Variants in TRAPPC9 observed in about 807,000 individuals in gnomAD.
The protein encoded by TRAPPC9 is IKK2 binding protein.
In TRAPPC9, 83 loss-of-function variants were observed where a neutral mutation model predicts 124.0. The observed-to-expected ratio is 0.67, with a 90% CI of 0.56 to 0.80. TRAPPC9 has a LOEUF of 0.80. Ranked by LOEUF, TRAPPC9 falls within the 30% of genes least tolerant of loss-of-function variation. The pLI is 0.00. For missense variants in TRAPPC9, 1,302 were observed against 1,508.3 expected, an observed-to-expected ratio of 0.86 and a Z score of 2.27; for synonymous variants, 638 against 617.5, an observed-to-expected ratio of 1.03 and a Z score of -0.49.
chr8:139,826,438 A>G (rs1290113080), intron 21 of TRAPPC9, among the ~76,000 whole-genome samples: 1 of 152,146 alleles, frequency 6.6e-6, no homozygotes. Context: ...AGCCCTGGCC[A>G]GCTGGGGCTG....
At chr8:140,005,597 T>G (rs1019322992) in intron 18 of TRAPPC9, among the ~76,000 whole-genome samples, 1 of 151,992 alleles carries the variant, frequency 6.6e-6, no homozygotes, top group Admixed American at 6.6e-5. Context: ...GGGGGAAACT[T>G]CCAGGACCTT....
chr8:139,991,429 A>C (rs1326212029), intron 18 of TRAPPC9, among the ~76,000 whole-genome samples: 1 of 152,076 alleles, frequency 6.6e-6, no homozygotes, highest in African/African-American at 2.4e-5. Context: ...TTGGCTTCCT[A>C]TCTGTGAATA....
intron 19 of TRAPPC9, among the ~76,000 whole-genome samples, chr8:139,982,861 C>G (rs1377136005): frequency 2.0e-5 from 3 of 152,130 alleles, no homozygotes; most frequent in Non-Finnish European, 4.4e-5. Context: ...CTATGAACAC[C>G]TCTTTCACAC....
chr8:140,249,757 C>G (rs1236365206), intron 16 of TRAPPC9, among the ~76,000 whole-genome samples: 1 of 151,994 alleles, frequency 6.6e-6, no homozygotes, highest in Admixed American at 6.6e-5. Flanking sequence ...GCACCCGCCA[C>G]CACGCCCGGC....
At chr8:139,932,230 T>C in intron 19 of TRAPPC9, 1 of 430,140 alleles carries the variant, frequency 2.3e-6, no homozygotes, top group Admixed American at 2.4e-5. Flanking sequence ...ACAGAGCCAC[T>C]TCGCCGTGCA....
chr8:140,256,219 T>C (rs2064254818), intron 15 of TRAPPC9, among the ~76,000 whole-genome samples: 1 of 152,208 alleles, frequency 6.6e-6, no homozygotes, highest in African/African-American at 2.4e-5. Context: ...CAGGGGAATG[T>C]GTGGATACTC....
At chr8:139,803,934 T>C (rs1380420580) in intron 21 of TRAPPC9, among the ~76,000 whole-genome samples, 1 of 152,068 alleles carries the variant, frequency 6.6e-6, no homozygotes, top group Non-Finnish European at 1.5e-5. Flanking sequence ...TTACCACAGA[T>C]GAAGAAAGAT....
At chr8:140,438,742 G>C (rs991579652) in intron 3 of TRAPPC9, among the ~76,000 whole-genome samples, 1 of 151,968 alleles carries the variant, frequency 6.6e-6, no homozygotes, top group Non-Finnish European at 1.5e-5. Context: ...TGCCAGGCTG[G>C]AGTGCAGTTG....
intron 18 of TRAPPC9, among the ~76,000 whole-genome samples, chr8:139,989,986 G>C (rs1199068137): frequency 6.6e-6 from 1 of 152,140 alleles, no homozygotes; most frequent in African/African-American, 2.4e-5. Flanking sequence ...ACTGAGCAGA[G>C]GCCATTCTTC....
At chr8:140,235,247 A>G (rs6988950) in intron 16 of TRAPPC9, among the ~76,000 whole-genome samples, 3,469 of 152,330 alleles carry the variant, frequency 0.023, 57 homozygotes, top group African/African-American at 0.041. Context: ...TGCTGGGATT[A>G]CAGGCGTGAG....
At chr8:139,759,062 C>G (rs1266579282) in intron 21 of TRAPPC9, among the ~76,000 whole-genome samples, 1 of 152,040 alleles carries the variant, frequency 6.6e-6, no homozygotes, top group African/African-American at 2.4e-5. Context: ...GTGTTGATGG[C>G]AACTGGTGAG....
At chr8:139,756,698 C>T (rs1299073383) in intron 21 of TRAPPC9, among the ~76,000 whole-genome samples, 2 of 129,894 alleles carry the variant, frequency 1.5e-5, no homozygotes, top group African/African-American at 6.2e-5. Flanking sequence ...GCAGGAGGAG[C>T]CAGGCTTTGG....
At chr8:140,036,680 T>C (rs1042972427) in intron 17 of TRAPPC9, among the ~76,000 whole-genome samples, 2 of 151,996 alleles carry the variant, frequency 1.3e-5, no homozygotes, top group Non-Finnish European at 2.9e-5. Context: ...TGAAGAGACG[T>C]GGCTCACAGG....
At chr8:140,015,244 T>C (rs1839388757) in intron 18 of TRAPPC9, among the ~76,000 whole-genome samples, 1 of 152,216 alleles carries the variant, frequency 6.6e-6, no homozygotes, top group Non-Finnish European at 1.5e-5. Flanking sequence ...ATGCCAGCCC[T>C]GTCACCTGCA....
At chr8:140,187,398 G>A (rs546781183) in intron 17 of TRAPPC9, among the ~76,000 whole-genome samples, 23 of 152,148 alleles carry the variant, frequency 1.5e-4, no homozygotes, top group Non-Finnish European at 2.6e-4. Flanking sequence ...TGGGGTTTTC[G>A]GAGTTGGGAC....
intron 17 of TRAPPC9, among the ~76,000 whole-genome samples, chr8:140,186,830 A>G (rs1042331686): frequency 1.3e-5 from 2 of 152,186 alleles, no homozygotes; most frequent in African/African-American, 4.8e-5. Context: ...CTTCTTAATT[A>G]TTTTTAACAC....
chr8:140,294,711 G>A (rs1001974557), intron 11 of TRAPPC9, among the ~76,000 whole-genome samples: 1 of 151,374 alleles, frequency 6.6e-6, no homozygotes, highest in African/African-American at 2.4e-5. Flanking sequence ...GGGTTCAAAC[G>A]AGTCTCCTGC....
intron 21 of TRAPPC9, among the ~76,000 whole-genome samples, chr8:139,852,951 CCT>C (rs1215423959): frequency 9.2e-5 from 14 of 152,178 alleles, no homozygotes; most frequent in Non-Finnish European, 2.1e-4. Context: ...TGGCCTGCCC[CCT>C]GTCTGATCAT....
intron 19 of TRAPPC9, among the ~76,000 whole-genome samples, chr8:139,970,158 G>A (rs1835968954): frequency 6.6e-6 from 1 of 152,200 alleles, no homozygotes; most frequent in African/African-American, 2.4e-5. Flanking sequence ...TAAGGCTGAA[G>A]GGAAGCACCT....
Sources: gnomAD v4.1 joint callset for allele counts (sites outside exome capture counted in the v4.1 genomes callset) on GRCh38, gnomAD v4.1.1 for gene constraint, MANE v1.5 for transcripts, NCBI Gene and HGNC (gene_info 2026-07-23, HGNC 2026-07-21) for gene names.